Variants in PIK3R3 observed in about 807,000 individuals in gnomAD.
PIK3R3 encodes phosphatidylinositol 3-kinase regulatory subunit gamma.
A neutral mutation model predicts 62.9 loss-of-function variants in PIK3R3; 64 were observed. That is an observed-to-expected ratio of 1.02 (90% CI 0.83 to 1.25). PIK3R3 has a LOEUF of 1.25. Among genes scored for constraint, PIK3R3 ranks in the 50% most tolerant of loss-of-function variants. The pLI, the probability that PIK3R3 is intolerant of heterozygous loss-of-function variation, is 0.00. For missense variants in PIK3R3, 614 were observed against 561.6 expected (o/e 1.09, Z -0.94); for synonymous variants, 165 against 189.0 (o/e 0.87, Z 1.04).
At chr1:46,174,154 T>C in the PIK3R3 span, among the ~76,000 whole-genome samples, 63 of 152,316 alleles carry the variant, frequency 4.1e-4, no homozygotes, top group African/African-American at 1.3e-3. Flanking sequence ...AGTATGTGCT[T>C]GCATGCATGT....
chr1:46,091,845 A>C (rs145472260), intron 1 of PIK3R3, among the ~76,000 whole-genome samples: 1 of 152,328 alleles, frequency 6.6e-6, no homozygotes, highest in East Asian at 1.9e-4. Flanking sequence ...CATATACTTT[A>C]AGTCATCTCT....
the PIK3R3 span, among the ~76,000 whole-genome samples, chr1:46,140,849 T>G: frequency 5.9e-5 from 9 of 151,722 alleles, no homozygotes; most frequent in Non-Finnish European, 1.3e-4. Flanking sequence ...TTTGTTTTTT[T>G]GTTTTTTGTT....
chr1:46,170,661 T>TC, the PIK3R3 span, among the ~76,000 whole-genome samples: 1 of 152,224 alleles, frequency 6.6e-6, no homozygotes, highest in Non-Finnish European at 1.5e-5. Flanking sequence ...CCTCAGGTGA[T>TC]CCACCAGCCT....
chr1:46,066,827 A>G, intron 4 of PIK3R3, 84 bp downstream of exon 4: 2 of 1,117,538 alleles, frequency 1.8e-6, no homozygotes, highest in Non-Finnish European at 2.7e-6. Flanking sequence ...GTTTTTTAAA[A>G]CTGATAAGCC....
rs144279582 is a variant in PIK3R3 at position 46,040,422 on chromosome 1, T to C, written c.*3251A>G. 1.2e-3 allele frequency: 266 copies of C among 231,204 alleles called. 3 individuals carry two copies. The East Asian group carries it at 0.016, about 14-fold the overall frequency. 14.3% of individuals were successfully genotyped at this position (231,204 alleles called of 1,614,324 possible). A position where few individuals can be genotyped will look rare whatever the true frequency, so the allele number is the denominator to read the frequency against. ...AACTACACGAATTTTCTTGGACACA[T>C]CAAAGACAACAGAATAGATTTTTCA... On this transcript the variant is annotated 3_prime_UTR_variant, in exon 10 of 10. Coordinates refer to ENST00000262741, the MANE Select transcript of PIK3R3 (RefSeq NM_003629.4).
At chr1:46,131,755 C>G in intron 1 of PIK3R3, 92 bp downstream of exon 1, 2 of 1,249,752 alleles carry the variant, frequency 1.6e-6, no homozygotes, top group Non-Finnish European at 2.3e-6. Flanking sequence ...CTAGCGCACC[C>G]AGGAATACTT....
intron 3 of PIK3R3, among the ~76,000 whole-genome samples, chr1:46,072,173 CT>C (rs1186105281): frequency 6.6e-6 from 1 of 152,156 alleles, no homozygotes; most frequent in Non-Finnish European, 1.5e-5. Context: ...TGAAACTCTC[CT>C]GCTATTAAAC....
At chr1:46,091,852 C>T (rs955188447) in intron 1 of PIK3R3, among the ~76,000 whole-genome samples, 1 of 152,156 alleles carries the variant, frequency 6.6e-6, no homozygotes, top group African/African-American at 2.4e-5. Context: ...TTTAAGTCAT[C>T]TCTAGATTAC....
At chr1:46,101,462 G>A (rs1046140797) in intron 1 of PIK3R3, among the ~76,000 whole-genome samples, 7 of 150,584 alleles carry the variant, frequency 4.6e-5, no homozygotes, top group Non-Finnish European at 8.9e-5. Context: ...CCCAGACCAC[G>A]CCACTGCACT....
chr1:46,050,526 T>C lies in PIK3R3; in HGVS notation c.942-3901A>G, dbSNP rs547579684. On this transcript the variant is annotated intron_variant, in intron 7 of 9. Transcript: ENST00000262741. Reference sequence around the variant, plus strand: ...GTTGCAGTGAGCCAAGATTGCACCATTGCACTCCAGCTTGGGCAACAAGAG... The same window carrying C: ...GTTGCAGTGAGCCAAGATTGCACCACTGCACTCCAGCTTGGGCAACAAGAG... Among the ~76,000 whole-genome samples the C allele has an allele frequency of 2.6e-3, 392 of 152,162 alleles. 1 individual carries two copies. Among genetic ancestry groups the C allele is most frequent in the African/African-American group, 9.0e-3 (372 of 41,500 alleles).
At chr1:46,121,964 G>A (rs1320364652) in intron 1 of PIK3R3, among the ~76,000 whole-genome samples, 2 of 151,996 alleles carry the variant, frequency 1.3e-5, no homozygotes, top group Non-Finnish European at 2.9e-5. Flanking sequence ...AGCCAGGTGT[G>A]GTGGTGCATG....
chr1:46,168,497 C>A, the PIK3R3 span, among the ~76,000 whole-genome samples: 1 of 152,192 alleles, frequency 6.6e-6, no homozygotes, highest in East Asian at 1.9e-4. Context: ...AATGAGATGA[C>A]CCCCAGGGCT....
chr1:46,064,677 A>T (rs1205503809), intron 5 of PIK3R3, among the ~76,000 whole-genome samples: 1 of 152,222 alleles, frequency 6.6e-6, no homozygotes, highest in East Asian at 1.9e-4. Flanking sequence ...TTTAGAAATT[A>T]AAAACACAAG....
chr1:46,150,033 C>A, the PIK3R3 span, among the ~76,000 whole-genome samples: 1 of 152,204 alleles, frequency 6.6e-6, no homozygotes, highest in Non-Finnish European at 1.5e-5. Flanking sequence ...CTTCTGTTAT[C>A]CAAAGATAAT....
upstream of PIK3R3, among the ~76,000 whole-genome samples, chr1:46,135,867 TA>T (rs1655910667): frequency 6.6e-6 from 1 of 151,730 alleles, no homozygotes; most frequent in Non-Finnish European, 1.5e-5. Flanking sequence ...CCGTCTATAC[TA>T]AAAATAAAAA....
the PIK3R3 span, among the ~76,000 whole-genome samples, chr1:46,144,761 C>T: frequency 7.7e-6 from 1 of 129,100 alleles, no homozygotes; most frequent in African/African-American, 2.8e-5. Context: ...ACCGAGACTC[C>T]ATCTCAAAAA....
intron 1 of PIK3R3, among the ~76,000 whole-genome samples, chr1:46,117,864 T>G (rs974989212): frequency 6.6e-6 from 1 of 151,174 alleles, no homozygotes; most frequent in Non-Finnish European, 1.5e-5. Flanking sequence ...AGGCCAGGAG[T>G]TCAAGGCCAG....
chr1:46,066,929 T>C lies in PIK3R3; in HGVS notation c.477A>G (p.Pro159=). 1 of 1,613,542 alleles carries C rather than the reference T, an allele frequency of 6.2e-7. No homozygotes were observed. The highest frequency in any genetic ancestry group is 8.5e-7 in the Non-Finnish European group (1 of 1,179,604). Reference sequence around the variant, plus strand: ...ATCATACCTGTTGGTATCTGGACACTGGGTACATCAGCTTCACATCAAGTT... The same window carrying C: ...ATCATACCTGTTGGTATCTGGACACCGGGTACATCAGCTTCACATCAAGTT... ...NPKLDVKLMY[P]VSRYQQDQLV... Residue 159 remains proline (P), a synonymous_variant, in exon 4 of 10, where the codon CCA becomes CCG. Coordinates refer to ENST00000262741, the MANE Select transcript of PIK3R3 (RefSeq NM_003629.4).
intron 7 of PIK3R3, among the ~76,000 whole-genome samples, chr1:46,050,390 C>T (rs1647254953): frequency 6.6e-6 from 1 of 151,990 alleles, no homozygotes; most frequent in Non-Finnish European, 1.5e-5. Flanking sequence ...CATGGTGAAA[C>T]CCCATCTCTA....
Sources: gnomAD v4.1 joint callset for allele counts (sites outside exome capture counted in the v4.1 genomes callset) on GRCh38, gnomAD v4.1.1 for gene constraint, MANE v1.5 for transcripts, NCBI Gene and HGNC (gene_info 2026-07-23, HGNC 2026-07-21) for gene names.